Variants in DPP10 observed in about 807,000 individuals in gnomAD.
DPP10 encodes the protein dipeptidyl peptidase like 10, also known as inactive dipeptidyl peptidase 10.
DPP10 carries 33 observed loss-of-function variants against 120.9 expected under a neutral mutation model. The observed-to-expected ratio is 0.27, with a 90% CI of 0.21 to 0.37. The LOEUF is 0.37. Ranked by LOEUF, DPP10 falls within the 10% of genes least tolerant of loss-of-function variation. DPP10 has a pLI of 1.00. For synonymous variants in DPP10, 337 were observed against 326.1 expected (o/e 1.03, Z -0.36); for missense variants, 816 against 942.8 (o/e 0.87, Z 1.76).
At chr2:115,409,392 T>C (rs2068767250) in intron 3 of DPP10, among the ~76,000 whole-genome samples, 1 of 152,236 alleles carries the variant, frequency 6.6e-6, no homozygotes, top group South Asian at 2.1e-4. Flanking sequence ...CATATACAAA[T>C]GGCCAACAAA....
intron 1 of DPP10, among the ~76,000 whole-genome samples, chr2:114,743,629 G>T (rs990997898): frequency 6.6e-6 from 1 of 152,198 alleles, no homozygotes; most frequent in South Asian, 2.1e-4. Flanking sequence ...GAGTGTCAAC[G>T]CTGCAGCCCA....
chr2:115,392,933 A>G (rs563511061), intron 3 of DPP10, among the ~76,000 whole-genome samples: 34 of 152,280 alleles, frequency 2.2e-4, no homozygotes, highest in Admixed American at 3.3e-4. Context: ...CTTTGCCAGT[A>G]TAAGAAACTA....
At chr2:115,680,310 G>A (rs1236562513) in intron 5 of DPP10, among the ~76,000 whole-genome samples, 1 of 151,928 alleles carries the variant, frequency 6.6e-6, no homozygotes. Flanking sequence ...GTGTGTATAT[G>A]TAACCAAAAT....
chr2:114,456,165 GA>G (rs1678577410), intron 1 of DPP10, among the ~76,000 whole-genome samples: 1 of 152,158 alleles, frequency 6.6e-6, no homozygotes, highest in South Asian at 2.1e-4. Context: ...GGCCCACCTG[GA>G]AACATCAGAA....
At chr2:115,496,937 A>G (rs1028880373) in intron 3 of DPP10, among the ~76,000 whole-genome samples, 1 of 151,974 alleles carries the variant, frequency 6.6e-6, no homozygotes, top group African/African-American at 2.4e-5. Flanking sequence ...GGGGGGATGC[A>G]ATTATAAAAG....
chr2:114,669,590 A>C (rs184251615), intron 1 of DPP10, among the ~76,000 whole-genome samples: 50 of 152,238 alleles, frequency 3.3e-4, no homozygotes, highest in African/African-American at 1.0e-3. Context: ...CATGTAAATA[A>C]TTTTATAAAA....
intron 1 of DPP10, among the ~76,000 whole-genome samples, chr2:115,088,427 A>G (rs12987277): frequency 0.25 from 37,616 of 151,980 alleles, 5,401 homozygotes; most frequent in Non-Finnish European, 0.31. Flanking sequence ...AATCAAAAAC[A>G]ACTTTTCTTT....
intron 5 of DPP10, among the ~76,000 whole-genome samples, chr2:115,681,501 A>T (rs1268492818): frequency 6.6e-6 from 1 of 151,912 alleles, no homozygotes; most frequent in Non-Finnish European, 1.5e-5. Context: ...GAATAAGTTA[A>T]CAAGTTGCAA....
intron 1 of DPP10, among the ~76,000 whole-genome samples, chr2:115,129,064 C>T (rs1052136953): frequency 6.6e-6 from 1 of 152,160 alleles, no homozygotes; most frequent in Non-Finnish European, 1.5e-5. Flanking sequence ...CAATGTTTCC[C>T]TCTTCATGAC....
chr2:114,463,570 G>A (rs1558780490), intron 1 of DPP10: 1 of 152,124 alleles, frequency 6.6e-6, no homozygotes, highest in Non-Finnish European at 1.5e-5. Flanking sequence ...CTTCAGTGAA[G>A]TTATGTTATA....
At chr2:115,821,822 GTTA>G (rs764755353) in intron 21 of DPP10, among the ~76,000 whole-genome samples, 61 of 151,978 alleles carry the variant, frequency 4.0e-4, no homozygotes, top group Non-Finnish European at 7.7e-4. Flanking sequence ...TTTGTGTATA[GTTA>G]TTATAAACGT....
intron 1 of DPP10, among the ~76,000 whole-genome samples, chr2:114,522,049 G>A (rs1452949552): frequency 3.3e-4 from 47 of 141,414 alleles, no homozygotes; most frequent in Non-Finnish European, 6.1e-4. Flanking sequence ...GCGGGATCTC[G>A]GCTCACTGCA....
chr2:115,461,583 C>A (rs1416575325), intron 3 of DPP10, among the ~76,000 whole-genome samples: 1 of 152,078 alleles, frequency 6.6e-6, no homozygotes, highest in African/African-American at 2.4e-5. Context: ...GATGTCTTAA[C>A]CAGTTTGATT....
At chr2:115,188,228 A>T (rs1032688210) in intron 1 of DPP10, among the ~76,000 whole-genome samples, 1 of 152,330 alleles carries the variant, frequency 6.6e-6, no homozygotes, top group African/African-American at 2.4e-5. Flanking sequence ...TATTATTTGT[A>T]TGCTTTTCCT....
At chr2:115,840,402 C>A (rs1690012595) in intron 24 of DPP10, among the ~76,000 whole-genome samples, 1 of 137,802 alleles carries the variant, frequency 7.3e-6, no homozygotes, top group Admixed American at 8.1e-5. Context: ...CTGCTCACTG[C>A]AAGCTCCCCA....
chr2:115,762,256 C>G (rs962612453), intron 11 of DPP10, among the ~76,000 whole-genome samples: 1 of 152,116 alleles, frequency 6.6e-6, no homozygotes, highest in Admixed American at 6.5e-5. Context: ...TGAAAAGAGA[C>G]AGTGTCTGGT....
At chr2:115,622,510 C>CTTTTTTTTTTTTTTTTTTTATTTTTT (rs2085028904) in intron 5 of DPP10, among the ~76,000 whole-genome samples, 1 of 117,448 alleles carries the variant, frequency 8.5e-6, no homozygotes, top group Non-Finnish European at 1.7e-5. Flanking sequence ...ATTTTATTGT[C>CTTTTTTTTTTTTTTTTTTTATTTTTT]TTTTTTTTTT....
intron 3 of DPP10, chr2:115,468,298 G>A: frequency 1.9e-6 from 1 of 514,214 alleles, no homozygotes; most frequent in Non-Finnish European, 3.9e-6. Context: ...AGGAATACTG[G>A]CCAGAGGGCT....
chr2:115,015,348 A>T (rs950969057), intron 1 of DPP10, among the ~76,000 whole-genome samples: 3 of 152,054 alleles, frequency 2.0e-5, no homozygotes, highest in African/African-American at 7.2e-5. Flanking sequence ...GATGGAACAT[A>T]CTCAAAATAA....
Sources: allele counts gnomAD v4.1 joint callset (sites outside exome capture counted in the v4.1 genomes callset), GRCh38; gene constraint gnomAD v4.1.1; transcripts MANE v1.5; gene names NCBI Gene and HGNC (gene_info 2026-07-23, HGNC 2026-07-21).